Variants in LTBP1 observed in about 807,000 individuals in gnomAD.
LTBP1 encodes the protein latent transforming growth factor beta binding protein 1, also known as latent-transforming growth factor beta-binding protein 1.
LTBP1 carries 129 observed loss-of-function variants against 207.6 expected under a neutral mutation model. The ratio of observed to expected loss-of-function variants is 0.62; its 90% CI spans 0.54 to 0.72. The LOEUF is 0.72. Ranked by LOEUF, LTBP1 falls within the 30% of genes least tolerant of loss-of-function variation. LTBP1 has a pLI of 0.00. For missense variants in LTBP1, 2,281 were observed against 2,217.2 expected (o/e 1.03, Z -0.58); for synonymous variants, 963 against 833.7 (o/e 1.16, Z -2.67).
Position 33,294,700 on chromosome 2 carries a change from G to A in LTBP1, c.3235+1418G>A, listed in dbSNP as rs376152824. On this transcript the variant is annotated intron_variant, in intron 20 of 33. Coordinates refer to ENST00000404816, the MANE Select transcript of LTBP1 (RefSeq NM_206943.4). ...TTCAAGCGATTCTCCTGCCTCAGCCGCCTGAGTAGCTGGGACTACAGGCAC... is the reference window on the plus strand; with the variant it reads ...TTCAAGCGATTCTCCTGCCTCAGCCACCTGAGTAGCTGGGACTACAGGCAC... Among the ~76,000 whole-genome samples, 904 of 148,426 alleles carry A rather than the reference G, an allele frequency of 6.1e-3. 8 individuals are homozygous for A. Among genetic ancestry groups the A allele is most frequent in the African/African-American group, 0.022 (871 of 40,224 alleles).
chr2:32,957,698 T>C (rs563580887), intron 2 of LTBP1, among the ~76,000 whole-genome samples: 1 of 152,324 alleles, frequency 6.6e-6, no homozygotes, highest in Admixed American at 6.5e-5. Flanking sequence ...GCACTTGCTG[T>C]TGGGAAAATA....
intron 2 of LTBP1, among the ~76,000 whole-genome samples, chr2:32,970,775 A>C (rs1207863175): frequency 6.6e-6 from 1 of 151,666 alleles, no homozygotes; most frequent in Non-Finnish European, 1.5e-5. Flanking sequence ...ACTCTAACAT[A>C]GTTTTTTCTA....
chr2:33,066,061 T>G (rs926729525), intron 3 of LTBP1, among the ~76,000 whole-genome samples: 7 of 152,214 alleles, frequency 4.6e-5, no homozygotes, highest in African/African-American at 1.7e-4. Context: ...TGTTGAACTC[T>G]TTATATAATA....
intron 5 of LTBP1, among the ~76,000 whole-genome samples, chr2:33,138,960 G>A (rs559721243): frequency 8.2e-4 from 112 of 136,766 alleles, no homozygotes; most frequent in African/African-American, 1.4e-3. Context: ...CCGGGTTCAC[G>A]CCATTCTCCT....
intron 9 of LTBP1, among the ~76,000 whole-genome samples, chr2:33,239,887 G>C (rs1481000834): frequency 1.3e-5 from 2 of 148,942 alleles, no homozygotes; most frequent in African/African-American, 5.0e-5. Context: ...CTGTGTGACA[G>C]AGTAAGACTC....
At chr2:33,053,864 A>G (rs2076862947) in intron 3 of LTBP1, among the ~76,000 whole-genome samples, 1 of 152,198 alleles carries the variant, frequency 6.6e-6, no homozygotes, top group Non-Finnish European at 1.5e-5. Context: ...CCAAACTGGT[A>G]GCCAAAATTA....
intron 26 of LTBP1, among the ~76,000 whole-genome samples, chr2:33,353,486 G>A (rs545796696): frequency 2.6e-5 from 4 of 152,152 alleles, no homozygotes; most frequent in Non-Finnish European, 4.4e-5. Context: ...TGAGCACGGC[G>A]CCTGATGGAT....
At chr2:33,155,450 TAA>T (rs2147946155) in intron 5 of LTBP1, among the ~76,000 whole-genome samples, 1 of 152,340 alleles carries the variant, frequency 6.6e-6, no homozygotes, top group Non-Finnish European at 1.5e-5. Context: ...TGCATGAGAT[TAA>T]GTTTCTTTTC....
chr2:33,183,566 G>A (rs1456084224), intron 5 of LTBP1, among the ~76,000 whole-genome samples: 2 of 152,158 alleles, frequency 1.3e-5, no homozygotes, highest in East Asian at 1.9e-4. Flanking sequence ...CCACGTTGTC[G>A]GGGGACTGGT....
chr2:33,305,037 G>C (rs1009276104), intron 22 of LTBP1, among the ~76,000 whole-genome samples: 15 of 152,302 alleles, frequency 9.8e-5, no homozygotes, highest in African/African-American at 3.6e-4. Flanking sequence ...TAAATGGCTG[G>C]GTGCAGTGGC....
intron 3 of LTBP1, among the ~76,000 whole-genome samples, chr2:33,080,870 A>G (rs1344137509): frequency 2.0e-5 from 3 of 152,218 alleles, no homozygotes; most frequent in Non-Finnish European, 2.9e-5. Context: ...ATGGTAGAGG[A>G]GAAAGAGTAT....
intron 24 of LTBP1, among the ~76,000 whole-genome samples, chr2:33,317,492 C>T (rs1254352579): frequency 6.6e-6 from 1 of 152,190 alleles, no homozygotes; most frequent in East Asian, 1.9e-4. Context: ...TAGACTCAGT[C>T]TGACACTTAT....
At chr2:33,333,650 C>G (rs967831949) in intron 24 of LTBP1, among the ~76,000 whole-genome samples, 2 of 152,048 alleles carry the variant, frequency 1.3e-5, no homozygotes, top group Non-Finnish European at 2.9e-5. Flanking sequence ...AAAAACGAAG[C>G]AATTTTTTTG....
At position 33,258,236 on chromosome 2, in the gene LTBP1, A is replaced by T. The variant is rs143993217; in HGVS notation, c.2395+725A>T. ...AACCCAGCAATATCTAATACTTCAC[A>T]TATCTTGCTTACAAAGATGTTCACC... On this transcript the variant is annotated intron_variant, in intron 12 of 33. Coordinates refer to ENST00000404816, the MANE Select transcript of LTBP1 (RefSeq NM_206943.4). Among the ~76,000 whole-genome samples, 265 of 152,342 alleles carry T rather than the reference A, an allele frequency of 1.7e-3. 2 individuals are homozygous for T. The highest frequency in any genetic ancestry group is 0.015 in the Admixed American group (233 of 15,302).
At chr2:33,064,461 G>A (rs1173248875) in intron 3 of LTBP1, among the ~76,000 whole-genome samples, 1 of 152,196 alleles carries the variant, frequency 6.6e-6, no homozygotes, top group African/African-American at 2.4e-5. Context: ...GGCAGCATGA[G>A]CTTCATGTTC....
chr2:33,120,248 G>A (rs146526104), intron 4 of LTBP1, among the ~76,000 whole-genome samples: 25 of 150,096 alleles, frequency 1.7e-4, no homozygotes, highest in East Asian at 1.4e-3. Context: ...AGGTAAACAC[G>A]TGTCACGGGG....
intron 19 of LTBP1, among the ~76,000 whole-genome samples, chr2:33,290,696 A>G (rs755649395): frequency 1.3e-5 from 2 of 152,190 alleles, no homozygotes; most frequent in Non-Finnish European, 2.9e-5. Context: ...GAGGGAGAGT[A>G]AAAATAAGGA....
chr2:33,275,735 G>A lies in LTBP1; in HGVS notation c.2870-66G>A, dbSNP rs562138357. 1.1e-4 allele frequency: 181 copies of A among 1,586,692 alleles called. No individual in the cohort carries two copies. In the African/African-American group the frequency reaches 2.0e-3, roughly 17 times the overall value. ...CGTTATTATATTTGAGCTAAGCTGG[G>A]AGATGGGAGAGGTTTGAAACAGTAT... On this transcript the variant is annotated intron_variant, in intron 17 of 33. Coordinates refer to ENST00000404816, the MANE Select transcript of LTBP1 (RefSeq NM_206943.4).
At chr2:33,259,060 CA>C (rs2092940945) in intron 12 of LTBP1, among the ~76,000 whole-genome samples, 1 of 152,260 alleles carries the variant, frequency 6.6e-6, no homozygotes, top group Middle Eastern at 3.4e-3. Flanking sequence ...ATTTAGTTAG[CA>C]TATCTTTTTG....
Sources: allele counts gnomAD v4.1 joint callset (sites outside exome capture counted in the v4.1 genomes callset), GRCh38; gene constraint gnomAD v4.1.1; transcripts MANE v1.5; gene names NCBI Gene and HGNC (gene_info 2026-07-23, HGNC 2026-07-21).